AKAP9: variants seen among roughly 807,000 people sequenced by gnomAD.
AKAP9 encodes the protein A-kinase anchor protein 9.
In AKAP9, 311 loss-of-function variants were observed where a neutral mutation model predicts 488.5. The ratio of observed to expected loss-of-function variants is 0.64; its 90% CI spans 0.58 to 0.70. AKAP9 has a LOEUF of 0.70. Among genes scored for constraint, AKAP9 ranks in the 30% least tolerant of loss-of-function variants. AKAP9 has a pLI of 0.00. For synonymous variants in AKAP9, 1,462 were observed against 1,483.5 expected (o/e 0.99, Z 0.33); for missense variants, 4,215 against 4,374.5 (o/e 0.96, Z 1.03).
At chr7:92,095,574 G>A (rs1306451719) in intron 40 of AKAP9, among the ~76,000 whole-genome samples, 1 of 152,128 alleles carries the variant, frequency 6.6e-6, no homozygotes, top group Admixed American at 6.5e-5. Context: ...AGTGAACATT[G>A]GCCCCTTTCA....
chr7:91,992,293 C>G lies in AKAP9; in HGVS notation c.405+82C>G. ...GGCTTACTAACAAAACTTTTTCCTG[C>G]ATGTACTTCTTTCTGTGTGTGATTT... On this transcript the variant is annotated intron_variant, in intron 4 of 49. Coordinates refer to ENST00000356239, the MANE Select transcript of AKAP9 (RefSeq NM_005751.5). 3 of 977,360 alleles carry G rather than the reference C, an allele frequency of 3.1e-6. No individual in the cohort carries two copies. In the Admixed American group the frequency reaches 5.2e-5, roughly 17 times the overall value. 60.5% of individuals were successfully genotyped at this position (977,360 alleles called of 1,614,324 possible). A position where few individuals can be genotyped will look rare whatever the true frequency, so the allele number is the denominator to read the frequency against.
chr7:92,062,259 A>T lies in AKAP9; in HGVS notation c.5765-15A>T. 2 of 1,599,052 alleles carry T rather than the reference A, an allele frequency of 1.3e-6. No individual in the cohort carries two copies. The highest frequency in any genetic ancestry group is 1.7e-6 in the Non-Finnish European group (2 of 1,166,924). ...ATGAATAATAGTTCTATTTTCTGTT[A>T]ATTTTGTATTATAGGCGTCATTGAT... On this transcript the variant is annotated splice_polypyrimidine_tract_variant and intron_variant, in intron 23 of 49. Coordinates refer to ENST00000356239, the MANE Select transcript of AKAP9 (RefSeq NM_005751.5).
At chr7:91,950,401 T>C (rs979959000) in intron 1 of AKAP9, among the ~76,000 whole-genome samples, 13 of 151,948 alleles carry the variant, frequency 8.6e-5, no homozygotes, top group Non-Finnish European at 1.5e-4. Context: ...GGCTAATTTT[T>C]CTGTATTTTT....
intron 23 of AKAP9, among the ~76,000 whole-genome samples, chr7:92,061,694 C>T (rs1809879474): frequency 6.7e-6 from 1 of 148,352 alleles, no homozygotes; most frequent in Admixed American, 6.8e-5. Flanking sequence ...AGTGGTGACT[C>T]GTTACTGTAA....
chr7:92,061,469 TAA>T, intron 23 of AKAP9, 47 bp downstream of exon 23: 2 of 1,605,218 alleles, frequency 1.2e-6, no homozygotes, highest in Admixed American at 3.4e-5. Flanking sequence ...ATTTCAGTCT[TAA>T]AATAGAGATT....
rs34489204 is a variant in AKAP9 at position 92,082,995 on chromosome 7, G to A, written c.8161-175G>A. ...TTTCTATAGTAATCTATGACCATACGTACATACAAATATATATATGTAAAC... is the reference window on the plus strand; with the variant it reads ...TTTCTATAGTAATCTATGACCATACATACATACAAATATATATATGTAAAC... On this transcript the variant is annotated intron_variant, in intron 32 of 49. Coordinates refer to ENST00000356239, the MANE Select transcript of AKAP9 (RefSeq NM_005751.5). Among the ~76,000 whole-genome samples the A allele has an allele frequency of 7.9e-5, 12 of 152,108 alleles. No homozygotes were observed. The South Asian group carries it at 1.0e-3, about 13-fold the overall frequency.
chr7:92,107,328 G>C lies in AKAP9; in HGVS notation c.11452G>C (p.Gly3818Arg). The change falls in exon 48 of 50, where the codon GGT (glycine) becomes CGT (arginine). Residue 3818 changes from glycine to arginine, a missense_variant. Transcript: ENST00000356239. The part of the protein sequence containing the change: ...EKTDSFYHSS[G>R]GLELYGEPRH... ...GACTGACTCATTTTATCATTCTTCT[G>C]GTGGGCTGGAGTTATATGGAGAACC... The C allele has an allele frequency of 6.2e-7, 1 of 1,613,832 alleles. No homozygotes were observed. The highest frequency in any genetic ancestry group is 1.1e-5 in the South Asian group (1 of 91,074).
intron 14 of AKAP9, among the ~76,000 whole-genome samples, chr7:92,028,808 G>T (rs1177658103): frequency 6.6e-6 from 1 of 152,148 alleles, no homozygotes; most frequent in African/African-American, 2.4e-5. Flanking sequence ...TTACTTATAA[G>T]ATTTTATTAT....
At chr7:92,029,523 T>C (rs1040876377) in intron 14 of AKAP9, among the ~76,000 whole-genome samples, 4 of 152,208 alleles carry the variant, frequency 2.6e-5, no homozygotes, top group Non-Finnish European at 5.9e-5. Flanking sequence ...GGCTCATGCC[T>C]GTAATCCCAG....
intron 45 of AKAP9, 115 bp from the exon 46 acceptor site, chr7:92,102,469 CTACTACTACT>C: frequency 2.9e-6 from 2 of 688,438 alleles, no homozygotes; most frequent in East Asian, 5.5e-5. Flanking sequence ...ACTACTACTA[CTACTACTACT>C]ACTACTACTA....
chr7:92,102,565 C>T (rs780556030), intron 45 of AKAP9, 29 bp from the exon 46 acceptor site: 8 of 1,596,636 alleles, frequency 5.0e-6, no homozygotes, highest in Admixed American at 1.7e-5. Context: ...TTCTTAATGT[C>T]TTTACATTCT....
intron 8 of AKAP9, among the ~76,000 whole-genome samples, chr7:92,007,281 C>CTTTTTTTT (rs35623219): frequency 1.2e-5 from 1 of 84,118 alleles, no homozygotes; most frequent in Non-Finnish European, 2.2e-5. Flanking sequence ...AACTGAAATT[C>CTTTTTTTT]TTTTTTTTTT....
At chr7:92,059,269 A>C (rs1396190599) in intron 22 of AKAP9, among the ~76,000 whole-genome samples, 1 of 151,948 alleles carries the variant, frequency 6.6e-6, no homozygotes, top group Admixed American at 6.6e-5. Flanking sequence ...ATATTGTTAT[A>C]GATATTAGGA....
intron 47 of AKAP9, among the ~76,000 whole-genome samples, chr7:92,106,630 CT>C (rs1468530427): frequency 6.6e-6 from 1 of 152,198 alleles, no homozygotes; most frequent in Non-Finnish European, 1.5e-5. Context: ...TTCCTTCTGT[CT>C]ACACCTAGAA....
At chr7:92,089,289 A>G (rs1815124091) in intron 37 of AKAP9, 96 bp from the exon 38 acceptor site, 1 of 1,371,714 alleles carries the variant, frequency 7.3e-7, no homozygotes, top group Non-Finnish European at 1.0e-6. Context: ...AAATTTTAGT[A>G]TGTGTGTTCC....
At chr7:92,026,438 G>A (rs1193331691) in intron 14 of AKAP9, among the ~76,000 whole-genome samples, 2 of 152,142 alleles carry the variant, frequency 1.3e-5, no homozygotes, top group African/African-American at 4.8e-5. Context: ...GGGCTCCCGT[G>A]ATTCTCCTGC....
intron 28 of AKAP9, among the ~76,000 whole-genome samples, chr7:92,075,179 G>A (rs186599250): frequency 2.0e-5 from 3 of 151,898 alleles, no homozygotes; most frequent in African/African-American, 4.8e-5. Context: ...TACTGCTCTC[G>A]AGACCACACT....
chr7:92,014,925 C>CT (rs1166457937), intron 10 of AKAP9, among the ~76,000 whole-genome samples: 1 of 152,098 alleles, frequency 6.6e-6, no homozygotes, highest in Non-Finnish European at 1.5e-5. Flanking sequence ...TCCTGGGAGA[C>CT]GGTGTAGAGT....
chr7:91,952,133 C>G (rs1012913123), intron 1 of AKAP9, among the ~76,000 whole-genome samples: 1 of 152,128 alleles, frequency 6.6e-6, no homozygotes, highest in African/African-American at 2.4e-5. Context: ...AGTATTTACT[C>G]GAGCCTCTAC....
Sources: gnomAD v4.1 joint callset for allele counts (sites outside exome capture counted in the v4.1 genomes callset) on GRCh38, gnomAD v4.1.1 for gene constraint, MANE v1.5 for transcripts, NCBI Gene and HGNC (gene_info 2026-07-23, HGNC 2026-07-21) for gene names.